The following SSH2 variants were observed in gnomAD, a reference collection of about 807,000 sequenced individuals.
SSH2 encodes the protein protein phosphatase Slingshot homolog 2.
A neutral mutation model predicts 135.2 loss-of-function variants in SSH2; 37 were observed. The observed-to-expected ratio is 0.27, with a 90% CI of 0.21 to 0.36. The LOEUF is 0.36. Among genes scored for constraint, SSH2 ranks in the 10% least tolerant of loss-of-function variants. The pLI is 1.00. For synonymous variants in SSH2, 628 were observed against 646.2 expected, an observed-to-expected ratio of 0.97 and a Z score of 0.43; for missense variants, 1,408 against 1,765.3, an observed-to-expected ratio of 0.80 and a Z score of 3.63.
In SSH2 at chr17:29,761,882, TA is replaced by T. The variant is rs766225900; in HGVS notation, c.188+32011del. On this transcript the variant is annotated intron_variant, in intron 3 of 15. Transcript: ENST00000540801. Reference sequence around the variant, plus strand: ...GTGTGTGTGTGTGTGTATATATATATATATATTTTTTTTTGAGATGGAGTTT... The same window carrying T: ...GTGTGTGTGTGTGTGTATATATATATTATATTTTTTTTTGAGATGGAGTTT... 8.1e-3 allele frequency among the ~76,000 whole-genome samples: 1,106 copies of T among 136,562 alleles called. 8 individuals are homozygous for T. The highest frequency in any genetic ancestry group is 0.015 in the African/African-American group (535 of 36,496). 89.6% of individuals were successfully genotyped at this position (136,562 alleles called of 152,430 possible).
chr17:29,641,909 A>G (rs2036177758), intron 14 of SSH2, among the ~76,000 whole-genome samples: 3 of 150,446 alleles, frequency 2.0e-5, no homozygotes, highest in Admixed American at 1.3e-4. Context: ...GAGTTGAGTG[A>G]GACTAGCCTG....
intron 3 of SSH2, among the ~76,000 whole-genome samples, chr17:29,764,404 A>C (rs1567959573): frequency 6.6e-6 from 1 of 152,342 alleles, no homozygotes; most frequent in South Asian, 2.1e-4. Flanking sequence ...CAATCAATTT[A>C]GTTTCAGCTC....
chr17:29,689,319 T>G (rs1240147320), intron 5 of SSH2, among the ~76,000 whole-genome samples: 1 of 152,218 alleles, frequency 6.6e-6, no homozygotes, highest in Non-Finnish European at 1.5e-5. Flanking sequence ...AATAATTTAT[T>G]AACACAATCA....
intron 3 of SSH2, among the ~76,000 whole-genome samples, chr17:29,783,609 C>A (rs946362270): frequency 3.9e-5 from 6 of 152,082 alleles, no homozygotes; most frequent in Admixed American, 1.3e-4. Context: ...TGTGCATCTG[C>A]CTTCCCCAGG....
intron 2 of SSH2, among the ~76,000 whole-genome samples, chr17:29,811,766 T>C (rs550941669): frequency 6.6e-5 from 10 of 152,204 alleles, no homozygotes; most frequent in African/African-American, 2.4e-4. Context: ...AGAGTCTCAC[T>C]ATGTTGTCTA....
intron 2 of SSH2, among the ~76,000 whole-genome samples, chr17:29,832,116 C>T (rs544285311): frequency 6.6e-5 from 10 of 152,226 alleles, no homozygotes; most frequent in African/African-American, 2.4e-4. Context: ...ATCTGTCTTT[C>T]TAGGCTTTGA....
chr17:29,786,380 A>G (rs186328070), intron 3 of SSH2, among the ~76,000 whole-genome samples: 1 of 152,244 alleles, frequency 6.6e-6, no homozygotes, highest in Admixed American at 6.5e-5. Context: ...TGGGATTCAA[A>G]CTGCAAGGCA....
intron 3 of SSH2, among the ~76,000 whole-genome samples, chr17:29,793,335 TACTC>T (rs1396954760): frequency 6.6e-6 from 1 of 152,180 alleles, no homozygotes; most frequent in Non-Finnish European, 1.5e-5. Flanking sequence ...TCAGTATACT[TACTC>T]AGTATACCCT....
At chr17:29,829,340 TACC>T (rs1422786885) in intron 2 of SSH2, among the ~76,000 whole-genome samples, 7 of 152,188 alleles carry the variant, frequency 4.6e-5, no homozygotes, top group Non-Finnish European at 7.3e-5. Context: ...ATACATTCCT[TACC>T]ACCACACCAT....
chr17:29,633,715 G>C (rs573540935), intron 15 of SSH2, among the ~76,000 whole-genome samples: 1 of 152,024 alleles, frequency 6.6e-6, no homozygotes, highest in African/African-American at 2.4e-5. Context: ...TTAGAACAAG[G>C]CCAAAGAATA....
At chr17:29,856,880 T>C (rs553693702) in intron 1 of SSH2, among the ~76,000 whole-genome samples, 32 of 152,318 alleles carry the variant, frequency 2.1e-4, no homozygotes, top group African/African-American at 3.6e-4. Context: ...TATCTTTGTT[T>C]CACTATTTTT....
intron 3 of SSH2, among the ~76,000 whole-genome samples, chr17:29,751,985 GAATATACCT>G (rs1418656621): frequency 2.6e-5 from 4 of 152,090 alleles, no homozygotes. Context: ...AAATGCCCAT[GAATATACCT>G]AATAAGAAAT....
intron 3 of SSH2, among the ~76,000 whole-genome samples, chr17:29,706,449 C>T (rs1211156385): frequency 6.6e-6 from 1 of 152,112 alleles, no homozygotes; most frequent in Non-Finnish European, 1.5e-5. Context: ...TAAAGCATTA[C>T]TCTCTTGTGG....
chr17:29,914,666 A>G (rs1254576217), intron 1 of SSH2, among the ~76,000 whole-genome samples: 3 of 152,184 alleles, frequency 2.0e-5, no homozygotes, highest in African/African-American at 7.2e-5. Context: ...AAATCATTCA[A>G]CTGTGCCCAA....
Position 29,733,902 on chromosome 17 carries a change from ATTTC to A in SSH2, c.189-30844_189-30841del, listed in dbSNP as rs1216732121. Among the ~76,000 whole-genome samples, 88 of 148,868 alleles carry A rather than the reference ATTTC, an allele frequency of 5.9e-4. 1 individual carries two copies. The South Asian group carries it at 0.014, about 24-fold the overall frequency. ...AAGTTTCTCCTTTACAGGGTGTTTA[ATTTC>A]TTTCTTTTTTTTTTTTTTTTTTGAG... On this transcript the variant is annotated intron_variant, in intron 3 of 15. Coordinates refer to ENST00000540801, the MANE Select transcript of SSH2 (RefSeq NM_001282129.2).
chr17:29,657,574 G>GGTTT (rs1316795530), intron 11 of SSH2, among the ~76,000 whole-genome samples: 3 of 80,078 alleles, frequency 3.7e-5, no homozygotes, highest in African/African-American at 1.5e-4. Context: ...CGGCTACTTT[G>GGTTT]TTTTTTTTTT....
chr17:29,718,796 G>A (rs894404878), intron 3 of SSH2, among the ~76,000 whole-genome samples: 1 of 150,804 alleles, frequency 6.6e-6, no homozygotes, highest in Non-Finnish European at 1.5e-5. Context: ...TGGGACTGGA[G>A]GATCTGTTTC....
chr17:29,913,347 A>AAAAAATTATATATAT lies in SSH2; in HGVS notation c.63+16590_63+16591insATATATATAATTTTT. ...AAAAAAAAAAAAAAAAAAAAAAAAAAATATATATATATATATATATATATA... is the reference window on the plus strand; with the variant it reads ...AAAAAAAAAAAAAAAAAAAAAAAAAAAAAAATTATATATATATATATATATATATATATATATATA... On this transcript the variant is annotated intron_variant, in intron 1 of 15. Transcript: ENST00000540801. 5.6e-4 allele frequency among the ~76,000 whole-genome samples: 16 copies of AAAAAATTATATATAT among 28,786 alleles called. 1 individual carries two copies. Among genetic ancestry groups the AAAAAATTATATATAT allele is most frequent in the East Asian group, 4.4e-3 (2 of 450 alleles). The allele number at this position is 28,786 out of a possible 152,430, so 18.9% of individuals were successfully genotyped here. A position where few individuals can be genotyped will look rare whatever the true frequency, so the allele number is the denominator to read the frequency against.
chr17:29,641,362 C>T (rs894423153), intron 14 of SSH2, among the ~76,000 whole-genome samples: 2 of 152,084 alleles, frequency 1.3e-5, no homozygotes, highest in African/African-American at 4.8e-5. Flanking sequence ...TAAACTCGGC[C>T]GACTCCCCAC....
Sources: gnomAD v4.1 joint callset for allele counts (sites outside exome capture counted in the v4.1 genomes callset) on GRCh38, gnomAD v4.1.1 for gene constraint, MANE v1.5 for transcripts, NCBI Gene and HGNC (gene_info 2026-07-23, HGNC 2026-07-21) for gene names.